Variants in CSMD1 observed in about 807,000 individuals in gnomAD.
CSMD1 encodes the protein CUB and sushi domain-containing protein 1.
CSMD1 carries 213 observed loss-of-function variants against 417.5 expected under a neutral mutation model. The observed-to-expected ratio is 0.51, with a 90% CI of 0.46 to 0.57. CSMD1 has a LOEUF of 0.57. Among genes scored for constraint, CSMD1 ranks in the 20% least tolerant of loss-of-function variants. CSMD1 has a pLI of 0.00. For synonymous variants in CSMD1, 2,862 were observed against 1,736.8 expected (o/e 1.65, Z -16.11); for missense variants, 6,923 against 4,529.7 (o/e 1.53, Z -15.17).
chr8:3,284,624 C>T (rs1033403593), intron 25 of CSMD1: 3 of 398,506 alleles, frequency 7.5e-6, no homozygotes, highest in Admixed American at 3.9e-5. Flanking sequence ...AAAAGGATTG[C>T]TTTTGAGACT....
At chr8:4,173,467 A>G (rs1584956274) in intron 3 of CSMD1, among the ~76,000 whole-genome samples, 1 of 152,260 alleles carries the variant, frequency 6.6e-6, no homozygotes, top group African/African-American at 2.4e-5. Context: ...AAGAAGAGAT[A>G]GTAAGTTGGA....
At chr8:4,368,318 T>C (rs1242954576) in intron 3 of CSMD1, among the ~76,000 whole-genome samples, 1 of 152,200 alleles carries the variant, frequency 6.6e-6, no homozygotes, top group African/African-American at 2.4e-5. Context: ...AAACCAACTT[T>C]AGATCACAGG....
intron 3 of CSMD1, among the ~76,000 whole-genome samples, chr8:4,165,691 T>G (rs368034168): frequency 6.6e-6 from 1 of 152,148 alleles, no homozygotes; most frequent in Non-Finnish European, 1.5e-5. Context: ...GCGTGACCCA[T>G]CACACCCGGC....
chr8:4,100,440 T>A (rs17332483), intron 3 of CSMD1, among the ~76,000 whole-genome samples: 14,337 of 152,176 alleles, frequency 0.094, 762 homozygotes, highest in Middle Eastern at 0.2. Flanking sequence ...CAGAATCAAA[T>A]TCACTATCCT....
In CSMD1 at chr8:3,412,080, A is replaced by G. The variant is rs957962863; in HGVS notation, c.1562-2475T>C. ...TACACACGTATATATACATATATAC[A>G]TATATATACACACGTATATATACAT... On this transcript the variant is annotated intron_variant, in intron 12 of 69. Transcript: ENST00000635120. 4.1e-3 allele frequency among the ~76,000 whole-genome samples: 92 copies of G among 22,416 alleles called. 24 individuals are homozygous for G. The highest frequency in any genetic ancestry group is 0.017 in the African/African-American group (76 of 4,456). The allele number at this position is 22,416 out of a possible 152,430, so 14.7% of individuals were successfully genotyped here.
intron 5 of CSMD1, among the ~76,000 whole-genome samples, chr8:3,950,591 T>A (rs1451565758): frequency 6.6e-6 from 1 of 152,170 alleles, no homozygotes; most frequent in Admixed American, 6.5e-5. Flanking sequence ...GCGTGAAATA[T>A]GAAACCACCA....
intron 53 of CSMD1, among the ~76,000 whole-genome samples, chr8:2,998,987 G>T (rs1807154994): frequency 1.3e-5 from 2 of 152,014 alleles, no homozygotes; most frequent in Non-Finnish European, 2.9e-5. Context: ...TACTTCATAG[G>T]AAAATATACA....
At chr8:3,221,676 C>T (rs1798224875) in intron 28 of CSMD1, among the ~76,000 whole-genome samples, 1 of 151,912 alleles carries the variant, frequency 6.6e-6, no homozygotes, top group African/African-American at 2.4e-5. Flanking sequence ...CTTATTTCTA[C>T]CTCTGCCAGC....
At position 4,821,802 on chromosome 8, in the gene CSMD1, G is replaced by T. The variant is rs145470551; in HGVS notation, c.85+172530C>A. Among the ~76,000 whole-genome samples, 62 of 152,186 alleles carry T rather than the reference G, an allele frequency of 4.1e-4. No individual in the cohort carries two copies. The East Asian group carries it at 0.01, about 25-fold the overall frequency. On this transcript the variant is annotated intron_variant, in intron 1 of 69. Coordinates refer to ENST00000635120, the MANE Select transcript of CSMD1 (RefSeq NM_033225.6). ...TTACAACTCTCTAGCAATTGGGTAC[G>T]TGTAACTAAATAAAAGCCAACAAAC...
At chr8:4,219,948 T>G (rs191055956) in intron 3 of CSMD1, among the ~76,000 whole-genome samples, 1 of 151,942 alleles carries the variant, frequency 6.6e-6, no homozygotes, top group Non-Finnish European at 1.5e-5. Flanking sequence ...TTTTTAAAAA[T>G]TTTTTAATGC....
intron 1 of CSMD1, among the ~76,000 whole-genome samples, chr8:4,663,146 T>A: frequency 6.6e-6 from 1 of 152,180 alleles, no homozygotes; most frequent in Non-Finnish European, 1.5e-5. Context: ...ATCTGTGTCA[T>A]TTCCTCTGGA....
At chr8:3,539,604 C>T (rs1364731140) in intron 10 of CSMD1, among the ~76,000 whole-genome samples, 1 of 152,114 alleles carries the variant, frequency 6.6e-6, no homozygotes, top group Non-Finnish European at 1.5e-5. Context: ...CGAAACACAG[C>T]TCTGCCCCTC....
chr8:4,681,106 G>C (rs1026743625), intron 1 of CSMD1, among the ~76,000 whole-genome samples: 10 of 152,160 alleles, frequency 6.6e-5, no homozygotes, highest in African/African-American at 2.4e-4. Context: ...TGTCTCTCCT[G>C]ATTAACGAAG....
At chr8:3,316,536 G>GAA (rs137895424) in intron 23 of CSMD1, among the ~76,000 whole-genome samples, 1 of 29,958 alleles carries the variant, frequency 3.3e-5, no homozygotes, top group Non-Finnish European at 8.3e-5. Context: ...AGCCTTGCGG[G>GAA]AGAGGGTTTG....
intron 2 of CSMD1, among the ~76,000 whole-genome samples, chr8:4,596,047 G>C (rs528219414): frequency 6.6e-6 from 1 of 152,144 alleles, no homozygotes; most frequent in Non-Finnish European, 1.5e-5. Context: ...ACTGCCCACA[G>C]CATGGCCCAA....
intron 26 of CSMD1, among the ~76,000 whole-genome samples, chr8:3,239,743 G>C (rs185736306): frequency 3.3e-4 from 51 of 152,320 alleles, no homozygotes; most frequent in African/African-American, 1.2e-3. Flanking sequence ...ATTAGGCCTG[G>C]TGGAACTGCC....
At chr8:3,740,422 T>C (rs80236958) in intron 6 of CSMD1, among the ~76,000 whole-genome samples, 2 of 152,170 alleles carry the variant, frequency 1.3e-5, no homozygotes, top group African/African-American at 4.8e-5. Flanking sequence ...AAGAGCCAAA[T>C]GCCTGGTACA....
At chr8:4,965,513 G>T (rs371768986) in intron 1 of CSMD1, among the ~76,000 whole-genome samples, 4 of 152,156 alleles carry the variant, frequency 2.6e-5, no homozygotes, top group Non-Finnish European at 2.9e-5. Context: ...GCTTCACTTC[G>T]CAATGGGGCA....
chr8:3,832,145 G>C (rs1802415095), intron 5 of CSMD1, among the ~76,000 whole-genome samples: 1 of 152,072 alleles, frequency 6.6e-6, no homozygotes, highest in African/African-American at 2.4e-5. Context: ...CTATTTATGG[G>C]CCAGCCTCTG....
Sources: allele counts gnomAD v4.1 joint callset (sites outside exome capture counted in the v4.1 genomes callset), GRCh38; gene constraint gnomAD v4.1.1; transcripts MANE v1.5; gene names NCBI Gene and HGNC (gene_info 2026-07-23, HGNC 2026-07-21).